Variants in TLK1 observed in about 807,000 individuals in gnomAD.
TLK1 encodes serine/threonine-protein kinase tousled-like 1.
Under a neutral mutation model 105.3 loss-of-function variants are expected in TLK1, and 24 were observed. That is an observed-to-expected ratio of 0.23 (90% confidence interval 0.17 to 0.32). TLK1 has a LOEUF of 0.32. Ranked by LOEUF, TLK1 falls within the 10% of genes least tolerant of loss-of-function variation. TLK1 has a pLI of 1.00. For synonymous variants in TLK1, 321 were observed against 310.4 expected (o/e 1.03, Z -0.36); for missense variants, 558 against 910.5 (o/e 0.61, Z 4.98).
chr2:171,028,199 C>T lies in TLK1; in HGVS notation c.1236+140G>A, dbSNP rs558269894. The T allele has an allele frequency of 1.4e-5, 9 of 650,726 alleles. No individual in the cohort carries two copies. In the East Asian group the frequency reaches 2.0e-4, roughly 14 times the overall value. 40.3% of individuals were successfully genotyped at this position (650,726 alleles called of 1,614,324 possible). A position where few individuals can be genotyped will look rare whatever the true frequency, so the allele number is the denominator to read the frequency against. On this transcript the variant is annotated intron_variant, in intron 12 of 20. Transcript: ENST00000431350. ...TAAATAAAATAAAGTAACTTTAATG[C>T]ATCTCTTTTTAATCTGAAATTTTTA...
chr2:171,180,712 A>G (rs1323787477), intron 1 of TLK1, among the ~76,000 whole-genome samples: 1 of 151,892 alleles, frequency 6.6e-6, no homozygotes, highest in Non-Finnish European at 1.5e-5. Context: ...AAAATGAGTG[A>G]CTGTTACTGA....
intron 2 of TLK1, among the ~76,000 whole-genome samples, chr2:171,090,372 T>C (rs1325317636): frequency 6.6e-6 from 1 of 152,082 alleles, no homozygotes; most frequent in Admixed American, 6.5e-5. Flanking sequence ...GTTTTAATTA[T>C]TTTTAGATTC....
At chr2:171,068,323 C>G (rs1688106094) in intron 3 of TLK1, among the ~76,000 whole-genome samples, 1 of 152,012 alleles carries the variant, frequency 6.6e-6, no homozygotes, top group South Asian at 2.1e-4. Context: ...GAGCAAAACT[C>G]CGCCTCAAAA....
intron 1 of TLK1, among the ~76,000 whole-genome samples, chr2:171,144,959 G>C (rs1691730886): frequency 6.6e-6 from 1 of 152,120 alleles, no homozygotes; most frequent in Non-Finnish European, 1.5e-5. Context: ...TAAACTTTAT[G>C]AAAAAGTGGT....
intron 1 of TLK1, among the ~76,000 whole-genome samples, chr2:171,152,342 G>A (rs1692075350): frequency 6.6e-6 from 1 of 152,124 alleles, no homozygotes; most frequent in Non-Finnish European, 1.5e-5. Context: ...TTAAATTTCA[G>A]ACCTAATGAT....
At chr2:171,034,137 G>A (rs532165044) in intron 11 of TLK1, among the ~76,000 whole-genome samples, 1 of 152,268 alleles carries the variant, frequency 6.6e-6, no homozygotes, top group South Asian at 2.1e-4. Flanking sequence ...TGTCAAGGAT[G>A]TAGAAAAATA....
intron 1 of TLK1, among the ~76,000 whole-genome samples, chr2:171,169,827 C>T (rs958724920): frequency 8.5e-5 from 13 of 152,092 alleles, no homozygotes; most frequent in Middle Eastern, 3.2e-3. Flanking sequence ...CCTTCTTTTC[C>T]GCAGATAGTT....
intron 1 of TLK1, among the ~76,000 whole-genome samples, chr2:171,159,088 G>A (rs1692347367): frequency 1.3e-5 from 2 of 152,164 alleles, no homozygotes; most frequent in South Asian, 4.1e-4. Flanking sequence ...TCAAGGCTCT[G>A]ACTAGCAAAT....
chr2:171,157,354 T>C (rs1558973302), intron 1 of TLK1, among the ~76,000 whole-genome samples: 1 of 152,162 alleles, frequency 6.6e-6, no homozygotes. Flanking sequence ...GAAAACCTTT[T>C]TAACTCGTCA....
chr2:171,100,738 T>C (rs1384978991), intron 2 of TLK1, among the ~76,000 whole-genome samples: 1 of 152,172 alleles, frequency 6.6e-6, no homozygotes, highest in Non-Finnish European at 1.5e-5. Flanking sequence ...TATAAAATGG[T>C]GTGGCTATTT....
intron 1 of TLK1, among the ~76,000 whole-genome samples, chr2:171,171,039 A>G (rs1692716093): frequency 6.6e-6 from 1 of 152,000 alleles, no homozygotes; most frequent in Non-Finnish European, 1.5e-5. Flanking sequence ...GTAAATATGA[A>G]AATTAAAACA....
chr2:171,214,947 CT>C (rs34222069), intron 1 of TLK1, among the ~76,000 whole-genome samples: 100 of 146,620 alleles, frequency 6.8e-4, no homozygotes, highest in East Asian at 3.4e-3. Flanking sequence ...CAACTCTTTT[CT>C]TTTTTTTTTT....
intron 11 of TLK1, among the ~76,000 whole-genome samples, chr2:171,038,787 C>T (rs996449223): frequency 4.6e-5 from 7 of 152,142 alleles, no homozygotes; most frequent in Non-Finnish European, 7.4e-5. Flanking sequence ...TTTAAAAGAA[C>T]ATGTATTCTG....
chr2:171,058,180 G>A lies in TLK1; in HGVS notation c.424C>T (p.Arg142Cys), dbSNP rs1246533140. ...AAATAGTCGCTAATTTTGTGGCCAC[G>A]TCCCCCAATACTTTTTCCTAAAATA... is the stretch of plus-strand genomic sequence containing the variant. ...ESSQGKSIGG[R>C]GHKISDYFEY... is the part of the protein sequence containing the mutation. The change falls in exon 5 of 21, where the codon CGT becomes TGT. Residue 142 changes from arginine (R) to cysteine (C), a missense_variant. By Grantham distance (180) the Arg-to-Cys change is radical. This residue lies in a region of TLK1 where 196 missense variants were observed against 239.3 expected (regional missense o/e 0.82). Coordinates refer to ENST00000431350, the MANE Select transcript of TLK1 (RefSeq NM_012290.5). 43 of 1,613,388 alleles carry A rather than the reference G, an allele frequency of 2.7e-5. No individual in the cohort carries two copies. Among genetic ancestry groups the A allele is most frequent in the Non-Finnish European group, 3.5e-5 (41 of 1,179,538 alleles).
intron 4 of TLK1, chr2:171,059,805 C>T (rs1001227357): frequency 7.1e-6 from 5 of 701,062 alleles, no homozygotes; most frequent in African/African-American, 6.9e-5. Context: ...AGTGCATAAC[C>T]TGGATCCCTT....
intron 1 of TLK1, among the ~76,000 whole-genome samples, chr2:171,189,523 T>C (rs976275563): frequency 1.3e-5 from 2 of 152,202 alleles, no homozygotes; most frequent in Non-Finnish European, 2.9e-5. Flanking sequence ...GAAAACAACA[T>C]GCATTTTTTA....
At chr2:171,078,160 T>G (rs1297481047) in intron 3 of TLK1, among the ~76,000 whole-genome samples, 1 of 152,188 alleles carries the variant, frequency 6.6e-6, no homozygotes, top group African/African-American at 2.4e-5. Flanking sequence ...TCTAGCTAGA[T>G]CCCTTTGAAT....
intron 1 of TLK1, among the ~76,000 whole-genome samples, chr2:171,197,232 A>C (rs917421883): frequency 6.6e-6 from 1 of 152,216 alleles, no homozygotes; most frequent in African/African-American, 2.4e-5. Context: ...TCATACATTA[A>C]ATTTTCTTAT....
At chr2:171,200,718 T>G (rs1017575839) in intron 1 of TLK1, among the ~76,000 whole-genome samples, 2 of 152,166 alleles carry the variant, frequency 1.3e-5, no homozygotes. Context: ...ATCTGTATTT[T>G]TACAAATTAT....
Sources: allele counts gnomAD v4.1 joint callset (sites outside exome capture counted in the v4.1 genomes callset), GRCh38; gene constraint gnomAD v4.1.1; regional missense constraint gnomAD v4.1.1; transcripts MANE v1.5; gene names NCBI Gene and HGNC (gene_info 2026-07-23, HGNC 2026-07-21).